Variants in MLPH observed in about 807,000 individuals in gnomAD.
MLPH encodes melanophilin.
MLPH carries 51 observed loss-of-function variants against 72.1 expected under a neutral mutation model. The ratio of observed to expected loss-of-function variants is 0.71; its 90% confidence interval spans 0.56 to 0.89. The LOEUF is 0.89. Ranked by LOEUF, MLPH falls within the 40% of genes least tolerant of loss-of-function variation. MLPH has a pLI of 0.00. For missense variants in MLPH, 743 were observed against 759.9 expected (o/e 0.98, Z 0.26); for synonymous variants, 301 against 310.1 (o/e 0.97, Z 0.31).
In MLPH at chr2:237,540,506, T is replaced by A; in HGVS notation, c.1263T>A (p.Val421=). 1 of 1,612,294 alleles carries A rather than the reference T, an allele frequency of 6.2e-7. No homozygotes were observed. The highest frequency in any genetic ancestry group is 1.3e-5 in the African/African-American group (1 of 74,966). ...EKAEPNRDKS[V]GPLPQADPEV... ...CAGAGCCCAACAGGGACAAATCAGTTGGGCCTCTCCCCCAGGCGGACCCGG... is the reference window on the plus strand; with the variant it reads ...CAGAGCCCAACAGGGACAAATCAGTAGGGCCTCTCCCCCAGGCGGACCCGG... The change falls in exon 10 of 16, where the codon GTT becomes GTA. Residue 421 remains valine, a synonymous_variant. Transcript: ENST00000264605.
At chr2:237,545,375 A>G in intron 12 of MLPH, 1 of 1,127,372 alleles carries the variant, frequency 8.9e-7, no homozygotes, top group Middle Eastern at 2.5e-4. Context: ...ATCCGGCCTG[A>G]GTTTCCTCAT....
At chr2:237,535,798 A>G (rs946939706) in intron 9 of MLPH, among the ~76,000 whole-genome samples, 1 of 152,212 alleles carries the variant, frequency 6.6e-6, no homozygotes, top group African/African-American at 2.4e-5. Context: ...CATTTTCCAT[A>G]CAAGGCCTAT....
intron 1 of MLPH, among the ~76,000 whole-genome samples, chr2:237,490,948 G>A (rs2079417651): frequency 6.6e-6 from 1 of 152,136 alleles, no homozygotes; most frequent in Non-Finnish European, 1.5e-5. Context: ...TGACGAATGG[G>A]TGCAAAAAAA....
intron 6 of MLPH, among the ~76,000 whole-genome samples, chr2:237,521,394 G>A (rs1463753506): frequency 6.6e-6 from 1 of 152,122 alleles, no homozygotes; most frequent in African/African-American, 2.4e-5. Context: ...GAGGGGTAGA[G>A]TCTTGAATAG....
chr2:237,553,913 A>G lies in MLPH; in HGVS notation c.*321A>G, dbSNP rs2081085960. On this transcript the variant is annotated 3_prime_UTR_variant, in exon 16 of 16. Coordinates refer to ENST00000264605, the MANE Select transcript of MLPH (RefSeq NM_024101.7). Reference sequence around the variant, plus strand: ...ACACACCGAAGACCTTTATACTGTGATCTTTTACCCCTTTCACTCTTGGCT... The same window carrying G: ...ACACACCGAAGACCTTTATACTGTGGTCTTTTACCCCTTTCACTCTTGGCT... 2 of 500,550 alleles carry G rather than the reference A, an allele frequency of 4.0e-6. No homozygotes were observed. Among genetic ancestry groups the G allele is most frequent in the Admixed American group, 2.9e-5 (1 of 34,480 alleles). 31.0% of individuals were successfully genotyped at this position (500,550 alleles called of 1,614,324 possible).
chr2:237,496,774 G>C (rs935833713), intron 2 of MLPH, among the ~76,000 whole-genome samples: 7 of 152,236 alleles, frequency 4.6e-5, no homozygotes, highest in Non-Finnish European at 8.8e-5. Flanking sequence ...CATGAGCGTA[G>C]AGTACTGTGT....
chr2:237,514,863 C>T (rs1574855883), intron 4 of MLPH, among the ~76,000 whole-genome samples: 1 of 152,176 alleles, frequency 6.6e-6, no homozygotes, highest in African/African-American at 2.4e-5. Flanking sequence ...GGCAGGCAGC[C>T]GGTCCCCTTG....
intron 12 of MLPH, 196 bp from the exon 13 acceptor site, chr2:237,546,410 G>A (rs1159857276): frequency 3.2e-6 from 2 of 617,554 alleles, no homozygotes; most frequent in Middle Eastern, 2.8e-4. Flanking sequence ...TGGGTATCCT[G>A]TATTTTCATT....
chr2:237,523,315 G>A (rs550158275), intron 6 of MLPH, among the ~76,000 whole-genome samples: 22 of 152,316 alleles, frequency 1.4e-4, no homozygotes, highest in Admixed American at 1.4e-3. Flanking sequence ...GTTGGCTAAG[G>A]TAACAGTAAT....
At chr2:237,491,052 T>C (rs1311212871) in intron 1 of MLPH, among the ~76,000 whole-genome samples, 2 of 152,212 alleles carry the variant, frequency 1.3e-5, no homozygotes, top group African/African-American at 2.4e-5. Context: ...TTATTTTAAA[T>C]GGTATCTGCC....
rs749235524 is a variant in MLPH, at chr2:237,540,518, C to A, written c.1275C>A (p.Pro425=). 2.6e-5 allele frequency: 42 copies of A among 1,611,304 alleles called. No homozygotes were observed. Among genetic ancestry groups the A allele is most frequent in the Non-Finnish European group, 3.5e-5 (41 of 1,179,748 alleles). ...GGGACAAATCAGTTGGGCCTCTCCC[C>A]CAGGCGGACCCGGAGGTAAGACTAT... ...PNRDKSVGPL[P]QADPEVGTAA... The change falls in exon 10 of 16, where the codon CCC becomes CCA. Residue 425 remains proline, a synonymous_variant. Transcript: ENST00000264605.
chr2:237,540,671 C>G (rs956957665), intron 10 of MLPH, 131 bp from the exon 11 acceptor site: 4 of 1,493,510 alleles, frequency 2.7e-6, no homozygotes, highest in Non-Finnish European at 3.6e-6. Flanking sequence ...GGGTCTGCAG[C>G]GGGTGGCCGG....
intron 13 of MLPH, among the ~76,000 whole-genome samples, chr2:237,546,926 G>A (rs1360531889): frequency 6.6e-6 from 1 of 152,230 alleles, no homozygotes; most frequent in African/African-American, 2.4e-5. Flanking sequence ...AGCCCAGTAG[G>A]GGAGCGGGAA....
intron 13 of MLPH, among the ~76,000 whole-genome samples, chr2:237,548,799 A>G (rs866611113): frequency 6.6e-6 from 1 of 152,208 alleles, no homozygotes; most frequent in African/African-American, 2.4e-5. Context: ...GAATGGCATA[A>G]ACCCGGGAGG....
At chr2:237,537,893 G>C (rs2080571578) in intron 9 of MLPH, among the ~76,000 whole-genome samples, 3 of 152,184 alleles carry the variant, frequency 2.0e-5, no homozygotes, top group South Asian at 4.1e-4. Context: ...AAGTTCCCCA[G>C]GTGGCATCTC....
At chr2:237,552,656 T>G (rs2081062131) in intron 15 of MLPH, among the ~76,000 whole-genome samples, 1 of 152,242 alleles carries the variant, frequency 6.6e-6, no homozygotes, top group Non-Finnish European at 1.5e-5. Context: ...TTTAGAGCTT[T>G]AAATTTTCAA....
At chr2:237,533,953 C>A (rs557252915) in intron 8 of MLPH, among the ~76,000 whole-genome samples, 1 of 152,096 alleles carries the variant, frequency 6.6e-6, no homozygotes, top group Non-Finnish European at 1.5e-5. Flanking sequence ...CCAGGTGAGC[C>A]GTAAATGAGA....
intron 12 of MLPH, chr2:237,545,381 C>G: frequency 8.5e-7 from 1 of 1,180,526 alleles, no homozygotes; most frequent in South Asian, 1.4e-5. Context: ...CCTGAGTTTC[C>G]TCATAGCCAG....
chr2:237,518,687 A>T (rs759107398), intron 5 of MLPH, 39 bp downstream of exon 5: 3 of 1,510,046 alleles, frequency 2.0e-6, no homozygotes, highest in Non-Finnish European at 2.7e-6. Context: ...AGCCACCTCG[A>T]TTCCATCCCG....
Sources: allele counts gnomAD v4.1 joint callset (sites outside exome capture counted in the v4.1 genomes callset), GRCh38; gene constraint gnomAD v4.1.1; transcripts MANE v1.5; gene names NCBI Gene and HGNC (gene_info 2026-07-23, HGNC 2026-07-21).